The following SGCD variants were observed in gnomAD, a reference collection of about 807,000 sequenced individuals.
SGCD encodes delta-sarcoglycan.
Under a neutral mutation model 36.6 loss-of-function variants are expected in SGCD, and 18 were observed. The ratio of observed to expected loss-of-function variants is 0.49; its 90% CI spans 0.34 to 0.73. SGCD has a LOEUF of 0.73. SGCD is among the 30% of genes least tolerant of loss of function. The pLI is 0.01. For missense variants in SGCD, 387 were observed against 346.7 expected (o/e 1.12, Z -0.92); for synonymous variants, 133 against 130.6 (o/e 1.02, Z -0.12).
At chr5:156,487,404 C>G (rs1221505269) in intron 3 of SGCD, among the ~76,000 whole-genome samples, 1 of 152,170 alleles carries the variant, frequency 6.6e-6, no homozygotes, top group Admixed American at 6.5e-5. Flanking sequence ...TCCACTGTTA[C>G]ACCAGATGTG....
chr5:156,145,909 T>C (rs953199510), intron 3 of SGCD, among the ~76,000 whole-genome samples: 4 of 152,132 alleles, frequency 2.6e-5, no homozygotes, highest in East Asian at 1.9e-4. Flanking sequence ...GCAACAGATA[T>C]AGCTTTAAAA....
rs565323035 is a variant in SGCD, at chr5:156,157,278, C to G, written c.-44+33259C>G. On this transcript the variant is annotated intron_variant, in intron 3 of 9. Transcript: ENST00000517913. ...TTTCTTATATATTATCTCATTTAGTCTTCACGTGCACTATGGGCATGAGTA... is the reference window on the plus strand; with the variant it reads ...TTTCTTATATATTATCTCATTTAGTGTTCACGTGCACTATGGGCATGAGTA... Among the ~76,000 whole-genome samples, 19 of 151,846 alleles carry G rather than the reference C, an allele frequency of 1.3e-4. No individual in the cohort carries two copies. The East Asian group carries it at 3.5e-3, about 28-fold the overall frequency.
chr5:156,340,803 A>G (rs1768611273), intron 2 of SGCD, among the ~76,000 whole-genome samples: 1 of 152,232 alleles, frequency 6.6e-6, no homozygotes, highest in Admixed American at 6.5e-5. Context: ...AAGAAGAATG[A>G]TAGATTGGAG....
At chr5:155,824,154 T>C in the SGCD span, among the ~76,000 whole-genome samples, 1 of 152,336 alleles carries the variant, frequency 6.6e-6, no homozygotes, top group Admixed American at 6.5e-5. Context: ...GATATGGTTC[T>C]GTAAAAAGAA....
At chr5:156,501,704 G>A (rs892021601) in intron 3 of SGCD, among the ~76,000 whole-genome samples, 1 of 152,172 alleles carries the variant, frequency 6.6e-6, no homozygotes, top group Admixed American at 6.5e-5. Context: ...ATTTGCTCTT[G>A]TGTTTTTGAA....
At chr5:155,971,931 G>T (rs1174495254) in intron 1 of SGCD, among the ~76,000 whole-genome samples, 2 of 152,078 alleles carry the variant, frequency 1.3e-5, no homozygotes, top group African/African-American at 4.8e-5. Flanking sequence ...TTAATCATGG[G>T]TTCCTCAATC....
At chr5:156,578,930 A>T (rs186753758) in intron 4 of SGCD, among the ~76,000 whole-genome samples, 1 of 152,096 alleles carries the variant, frequency 6.6e-6, no homozygotes, top group African/African-American at 2.4e-5. Flanking sequence ...TTCTGCTCTG[A>T]TCTTAGTTAT....
chr5:156,713,417 G>A (rs938316623), intron 7 of SGCD, among the ~76,000 whole-genome samples: 9 of 148,898 alleles, frequency 6.0e-5, no homozygotes, highest in Admixed American at 6.7e-5. Context: ...TGTCGGGGGG[G>A]GCGTTATAGG....
intron 6 of SGCD, among the ~76,000 whole-genome samples, chr5:156,646,562 A>G (rs74617632): frequency 0.026 from 4,027 of 152,274 alleles, 175 homozygotes; most frequent in African/African-American, 0.092. Flanking sequence ...TGTTATAACA[A>G]TGTAAGAGGA....
Position 156,050,475 on chromosome 5 carries a change from CT to C in SGCD, c.-281-67401del, listed in dbSNP as rs1256644322. ...CCATGTACTAGGAAACCAAAAAATT[CT>C]TATGACTCACCTTATTGTGATATTT... On this transcript the variant is annotated intron_variant, in intron 1 of 9. Transcript: ENST00000517913. Among the ~76,000 whole-genome samples, 9 of 146,770 alleles carry C rather than the reference CT, an allele frequency of 6.1e-5. No homozygotes were observed. In the East Asian group the frequency reaches 1.4e-3, roughly 22 times the overall value.
chr5:156,106,323 C>T (rs986552326), intron 1 of SGCD, among the ~76,000 whole-genome samples: 4 of 151,888 alleles, frequency 2.6e-5, no homozygotes, highest in African/African-American at 9.7e-5. Flanking sequence ...ACTGTGATAG[C>T]TATGTAAAAG....
At chr5:156,332,211 A>C (rs1479685019) in intron 2 of SGCD, among the ~76,000 whole-genome samples, 1 of 152,254 alleles carries the variant, frequency 6.6e-6, no homozygotes, top group African/African-American at 2.4e-5. Context: ...ACAGCAGGTC[A>C]TAAACCGGCA....
intron 1 of SGCD, among the ~76,000 whole-genome samples, chr5:156,007,818 C>T (rs1199288012): frequency 6.6e-6 from 1 of 152,200 alleles, no homozygotes; most frequent in Non-Finnish European, 1.5e-5. Flanking sequence ...GGGAATAAGG[C>T]AAACGGGCTG....
intron 7 of SGCD, among the ~76,000 whole-genome samples, chr5:156,693,281 G>T (rs1754185851): frequency 6.6e-6 from 1 of 152,090 alleles, no homozygotes; most frequent in Admixed American, 6.6e-5. Context: ...AGACATGGAG[G>T]GAAACAAGTA....
chr5:156,728,686 G>A (rs1051293517), intron 7 of SGCD, among the ~76,000 whole-genome samples: 1 of 151,784 alleles, frequency 6.6e-6, no homozygotes, highest in African/African-American at 2.4e-5. Flanking sequence ...CAAAAGATAA[G>A]CCAACAGTTG....
intron 3 of SGCD, among the ~76,000 whole-genome samples, chr5:156,248,310 A>G (rs190062653): frequency 5.1e-4 from 78 of 152,280 alleles, no homozygotes; most frequent in African/African-American, 1.8e-3. Context: ...TTACAAGGTC[A>G]AGAGATCGAG....
intron 6 of SGCD, among the ~76,000 whole-genome samples, chr5:156,608,529 G>T (rs1018427716): frequency 6.6e-6 from 1 of 152,168 alleles, no homozygotes; most frequent in Admixed American, 6.5e-5. Flanking sequence ...TGTTGATTTG[G>T]GGTGGAGAGT....
At chr5:155,856,689 A>G in the SGCD span, among the ~76,000 whole-genome samples, 1 of 152,320 alleles carries the variant, frequency 6.6e-6, no homozygotes, top group African/African-American at 2.4e-5. Context: ...AATGGGCAAA[A>G]GATTTGGACA....
chr5:155,840,138 G>A, the SGCD span, among the ~76,000 whole-genome samples: 2 of 151,054 alleles, frequency 1.3e-5, no homozygotes, highest in South Asian at 4.2e-4. Context: ...ACCGTATTAT[G>A]TATTTTGTTG....
Sources: gnomAD v4.1 joint callset for allele counts (sites outside exome capture counted in the v4.1 genomes callset) on GRCh38, gnomAD v4.1.1 for gene constraint, MANE v1.5 for transcripts, NCBI Gene and HGNC (gene_info 2026-07-23, HGNC 2026-07-21) for gene names.